Variants in MST1R observed in about 807,000 individuals in gnomAD.
The protein encoded by MST1R is macrophage-stimulating protein receptor.
In MST1R, 99 loss-of-function variants were observed where a neutral mutation model predicts 117.8. That is an observed-to-expected ratio of 0.84 (90% CI 0.71 to 0.99). MST1R has a LOEUF of 0.99. Ranked by LOEUF, MST1R falls within the 50% of genes least tolerant of loss-of-function variation. The pLI is 0.00. For missense variants in MST1R, 1,683 were observed against 1,840.2 expected, an observed-to-expected ratio of 0.91 and a Z score of 1.56; for synonymous variants, 734 against 765.3, an observed-to-expected ratio of 0.96 and a Z score of 0.68.
chr3:49,889,901 C>A (rs1488827072), intron 19 of MST1R, 23 bp downstream of exon 19: 1 of 1,613,932 alleles, frequency 6.2e-7, no homozygotes, highest in Admixed American at 1.7e-5. Context: ...GTTCCCTCCC[C>A]ACTACCACCT....
Position 49,890,565 on chromosome 3 carries a change from G to A in MST1R, c.3730C>T (p.His1244Tyr). ...TTCACAGGTAGGCGAGCGTGGCGAT[G>A]CTGTTGAACACTATAGTACTCCCTG... ...LDREYYSVQQ[H>Y]RHARLPVKWM... Residue 1244 changes from histidine to tyrosine, a missense_variant, in exon 18 of 20, where the codon CAT becomes TAT. Transcript: ENST00000296474. The A allele has an allele frequency of 6.2e-7, 1 of 1,614,148 alleles. No individual in the cohort carries two copies. The highest frequency in any genetic ancestry group is 1.3e-5 in the African/African-American group (1 of 75,050).
Position 49,896,617 on chromosome 3 carries a change from T to C in MST1R, c.2362A>G (p.Ile788Val), listed in dbSNP as rs2082481279. The part of the protein sequence containing the change: ...NCGYINSHIT[I>V]CGQHLTSAWH... Reference sequence around the variant, plus strand: ...GCTGAAGTTAGATGCTGGCCACAGATGGTGATGTGGGAGTTGCTGTGGAAG... The same window carrying C: ...GCTGAAGTTAGATGCTGGCCACAGACGGTGATGTGGGAGTTGCTGTGGAAG... The change falls in exon 9 of 20, where the codon ATC becomes GTC. Residue 788 changes from isoleucine to valine, a missense_variant. Transcript: ENST00000296474. 6.2e-7 allele frequency: 1 copy of C among 1,614,094 alleles called. No individual in the cohort carries two copies. Among genetic ancestry groups the C allele is most frequent in the East Asian group, 2.2e-5 (1 of 44,880 alleles).
chr3:49,898,858 C>T lies in MST1R; in HGVS notation c.1548+9G>A, dbSNP rs755900739. ...CCCTGGCCCCAGGCCCTGCCCCTGCCCACCTCACCTGGTCCCCAGAGGCAA... is the reference window on the plus strand; with the variant it reads ...CCCTGGCCCCAGGCCCTGCCCCTGCTCACCTCACCTGGTCCCCAGAGGCAA... On this transcript the variant is annotated intron_variant, in intron 3 of 19. Transcript: ENST00000296474. The T allele has an allele frequency of 2.5e-6, 4 of 1,613,984 alleles. No individual in the cohort carries two copies. Among genetic ancestry groups the T allele is most frequent in the Non-Finnish European group, 2.5e-6 (3 of 1,180,010 alleles).
At chr3:49,887,745 T>C (rs1370915977) in intron 19 of MST1R, among the ~76,000 whole-genome samples, 183 bp from the exon 20 acceptor site, 1 of 152,248 alleles carries the variant, frequency 6.6e-6, no homozygotes, top group African/African-American at 2.4e-5. Context: ...CAGTCCTGCC[T>C]TCCCACCCTG....
chr3:49,896,210 AT>A lies in MST1R; in HGVS notation c.2633del (p.His878LeufsTer21). 6.2e-7 allele frequency: 1 copy of A among 1,614,124 alleles called. No individual in the cohort carries two copies. The highest frequency in any genetic ancestry group is 1.7e-5 in the Admixed American group (1 of 60,008). ...TTACACTTACCTCAAACTTAATGGC[AT>A]GCTCCTCAGGCTTCAGTGGAACTAG... Reference protein sequence around the residue: ...ANLVPLKPEEHAIKFEYIGLG... With the variant: ...ANLVPLKPEEXAIKFEYIGLG... On this transcript the variant is annotated frameshift_variant, in exon 10 of 20. Transcript: ENST00000296474. LOFTEE classifies it high-confidence loss of function.
At chr3:49,901,645 C>T (rs535129533) in intron 1 of MST1R, among the ~76,000 whole-genome samples, 150 of 152,078 alleles carry the variant, frequency 9.9e-4, no homozygotes, top group Middle Eastern at 3.4e-3. Context: ...GGGTACTCCC[C>T]CAATCACCCC....
chr3:49,887,157 G>A lies in MST1R; in HGVS notation c.*150C>T. ...CCCTCACTGGCTCACTCTGTGGAGT[G>A]AGGGACCTAATGGGCCCCATTTACC... On this transcript the variant is annotated 3_prime_UTR_variant, in exon 20 of 20. Coordinates refer to ENST00000296474, the MANE Select transcript of MST1R (RefSeq NM_002447.4). 2 of 1,060,214 alleles carry A rather than the reference G, an allele frequency of 1.9e-6. No individual in the cohort carries two copies. Among genetic ancestry groups the A allele is most frequent in the East Asian group, 2.4e-5 (1 of 41,838 alleles). 65.7% of individuals were successfully genotyped at this position (1,060,214 alleles called of 1,614,324 possible).
intron 14 of MST1R, among the ~76,000 whole-genome samples, chr3:49,893,395 G>C (rs1403364883): frequency 6.6e-6 from 1 of 151,886 alleles, no homozygotes; most frequent in Admixed American, 6.6e-5. Flanking sequence ...CCTGAGGTTA[G>C]GAGTTTGAGA....
At position 49,896,748 on chromosome 3, in the gene MST1R, T is replaced by C. The variant is rs1356947895; in HGVS notation, c.2326A>G (p.Ser776Gly). ...GCTTACATGTAGCCACAGTTGGGGC[T>C]GATGCTTAGCACGACAGGGTCTTCT... ...YREDPVVLSI[S>G]PNCGYINSHI... Residue 776 changes from serine (S) to glycine (G), a missense_variant, in exon 8 of 20, where the codon AGC becomes GGC. Transcript: ENST00000296474. The C allele has an allele frequency of 3.1e-6, 5 of 1,590,362 alleles. No homozygotes were observed. The highest frequency in any genetic ancestry group is 3.4e-6 in the Non-Finnish European group (4 of 1,167,120).
Position 49,895,440 on chromosome 3 carries a change from A to G in MST1R, c.3064+7T>C, listed in dbSNP as rs770170517. 11 of 1,614,026 alleles carry G rather than the reference A, an allele frequency of 6.8e-6. No homozygotes were observed. Among genetic ancestry groups the G allele is most frequent in the African/African-American group, 4.0e-5 (3 of 74,932 alleles). On this transcript the variant is annotated splice_region_variant and intron_variant, in intron 13 of 19. Coordinates refer to ENST00000296474, the MANE Select transcript of MST1R (RefSeq NM_002447.4). Reference sequence around the variant, plus strand: ...GGCTTTAGCTTCTCATGCCTCCACTATCTCACCAAGGCCACTTCTGTAGTC... The same window carrying G: ...GGCTTTAGCTTCTCATGCCTCCACTGTCTCACCAAGGCCACTTCTGTAGTC...
At chr3:49,892,036 T>C (rs1013487510) in intron 14 of MST1R, 198 bp from the exon 15 acceptor site, 2 of 404,114 alleles carry the variant, frequency 4.9e-6, no homozygotes, top group Admixed American at 8.1e-5. Context: ...CAATCTCAAC[T>C]CATTGCAACC....
chr3:49,896,272 G>A lies in MST1R; in HGVS notation c.2572C>T (p.Arg858Cys), dbSNP rs751338048. Residue 858 changes from arginine (R) to cysteine (C), a missense_variant, in exon 10 of 20, where the codon CGC becomes TGC. By Grantham distance (180) the Arg-to-Cys change is radical (BLOSUM62 -3). Coordinates refer to ENST00000296474, the MANE Select transcript of MST1R (RefSeq NM_002447.4). ...GAAGFTLPGFRFLPPPHPPSA... is the reference protein window; with the variant it reads ...GAAGFTLPGFCFLPPPHPPSA... The stretch of plus-strand genomic sequence containing the variant: ...GGTGGATGGGGTGGGGGTAGGAAGC[G>A]AAAGCCAGGCAGTGTAAAGCCAGCA... 1.7e-5 allele frequency: 28 copies of A among 1,614,062 alleles called. No homozygotes were observed. The highest frequency in any genetic ancestry group is 1.2e-4 in the South Asian group (11 of 91,088).
Position 49,891,506 on chromosome 3 carries a change from C to G in MST1R, c.3427G>C (p.Val1143Leu), listed in dbSNP as rs768833729. 55 of 1,613,910 alleles carry G rather than the reference C, an allele frequency of 3.4e-5. 2 individuals carry two copies. The Middle Eastern group carries it at 6.6e-4, about 19-fold the overall frequency. The change falls in exon 16 of 20, where the codon GTG (valine) becomes CTG (leucine). Residue 1143 changes from valine (V) to leucine (L), a missense_variant. Coordinates refer to ENST00000296474, the MANE Select transcript of MST1R (RefSeq NM_002447.4). Reference sequence around the variant, plus strand: ...AACATGATACCAATGAGAGCCAGCACATTCGGGTGGTTCAGGCCACGCATG... The same window carrying G: ...AACATGATACCAATGAGAGCCAGCAGATTCGGGTGGTTCAGGCCACGCATG... ...LLMRGLNHPN[V>L]LALIGIMLPP... is the part of the protein sequence containing the mutation.
chr3:49,897,836 G>A (rs1362826427), intron 5 of MST1R, 151 bp from the exon 6 acceptor site: 7 of 1,211,822 alleles, frequency 5.8e-6, no homozygotes, highest in Non-Finnish European at 8.0e-6. Context: ...GTGGGGCAGA[G>A]ATTAACCTTG....
Position 49,898,761 on chromosome 3 carries a change from C to T in MST1R, c.1549-73G>A, listed in dbSNP as rs2082567395. The T allele has an allele frequency of 4.4e-6, 7 of 1,604,904 alleles. No individual in the cohort carries two copies. In the African/African-American group the frequency reaches 5.3e-5, roughly 12 times the overall value. On this transcript the variant is annotated intron_variant, in intron 3 of 19. Coordinates refer to ENST00000296474, the MANE Select transcript of MST1R (RefSeq NM_002447.4). ...GGGCCCTATAGACCCTCCCGGTACA[C>T]AGTAGGCTAGGGTGGTAGGGCCTGT...
At position 49,902,473 on chromosome 3, in the gene MST1R, A is replaced by T; in HGVS notation, c.1137T>A (p.Asp379Glu). ...ATTCACAACAGCGCTCCACACCCTC[A>T]TCAATTAGTGTGTCCAGCAGGTCAA... Reference protein sequence around the residue: ...FPIDLLDTLIDEGVERCCESP... With the variant: ...FPIDLLDTLIEEGVERCCESP... The change falls in exon 1 of 20, where the codon GAT (aspartate) becomes GAA (glutamate). Residue 379 changes from aspartate (D) to glutamate (E), a missense_variant. By Grantham distance (45) the Asp-to-Glu change is conservative. Transcript: ENST00000296474. 4 of 1,614,172 alleles carry T rather than the reference A, an allele frequency of 2.5e-6. No individual in the cohort carries two copies. Among genetic ancestry groups the T allele is most frequent in the Non-Finnish European group, 3.4e-6 (4 of 1,180,030 alleles).
intron 17 of MST1R, 58 bp downstream of exon 17, chr3:49,891,139 C>T: frequency 1.3e-5 from 20 of 1,495,296 alleles, no homozygotes; most frequent in Non-Finnish European, 1.7e-5. Context: ...CGGCCTTGAG[C>T]ACCGCACACC....
intron 1 of MST1R, 175 bp from the exon 2 acceptor site, chr3:49,899,438 T>C (rs2082595408): frequency 1.5e-6 from 1 of 662,806 alleles, no homozygotes; most frequent in Non-Finnish European, 2.5e-6. Context: ...GCTCTCAGTG[T>C]AGCAAGGGCA....
rs139753578 is a variant in MST1R at position 49,902,774 on chromosome 3, C to A, written c.836G>T (p.Arg279Leu). Residue 279 changes from arginine to leucine, a missense_variant, in exon 1 of 20, where the codon CGC becomes CTC. Coordinates refer to ENST00000296474, the MANE Select transcript of MST1R (RefSeq NM_002447.4). ...CTCAGTGGCGCTAAGCCGTGCCAGGCGTGTGTGCAGGGCACTAGGATCATC... is the reference window on the plus strand; with the variant it reads ...CTCAGTGGCGCTAAGCCGTGCCAGGAGTGTGTGCAGGGCACTAGGATCATC... ...VTDDPSALHTRLARLSATEPE... is the reference protein window; with the variant it reads ...VTDDPSALHTLLARLSATEPE... The A allele has an allele frequency of 6.2e-7, 1 of 1,613,936 alleles. No homozygotes were observed. The highest frequency in any genetic ancestry group is 8.5e-7 in the Non-Finnish European group (1 of 1,180,050).
Sources: allele counts gnomAD v4.1 joint callset (sites outside exome capture counted in the v4.1 genomes callset), GRCh38; gene constraint gnomAD v4.1.1; transcripts MANE v1.5; gene names NCBI Gene and HGNC (gene_info 2026-07-23, HGNC 2026-07-21).